NEO1: variants seen among roughly 807,000 people sequenced by gnomAD.
NEO1 encodes neogenin.
A neutral mutation model predicts 159.7 loss-of-function variants in NEO1; 63 were observed. The ratio of observed to expected loss-of-function variants is 0.39; its 90% CI spans 0.32 to 0.49. The LOEUF (loss-of-function observed/expected upper bound fraction) is 0.49, where lower values mean the gene tolerates loss of function less well. Among genes scored for constraint, NEO1 ranks in the 20% least tolerant of loss-of-function variants. The pLI is 0.85. For synonymous variants in NEO1, 633 were observed against 662.0 expected, an observed-to-expected ratio of 0.96 and a Z score of 0.67; for missense variants, 1,615 against 1,831.0, an observed-to-expected ratio of 0.88 and a Z score of 2.15.
chr15:73,176,182 T>C (rs1022096163), intron 5 of NEO1, among the ~76,000 whole-genome samples: 2 of 152,224 alleles, frequency 1.3e-5, no homozygotes, highest in Non-Finnish European at 2.9e-5. Flanking sequence ...AAATTATCTT[T>C]AAAACAGTTA....
chr15:73,213,905 T>C (rs916943454), intron 7 of NEO1, among the ~76,000 whole-genome samples: 1 of 152,212 alleles, frequency 6.6e-6, no homozygotes, highest in Non-Finnish European at 1.5e-5. Flanking sequence ...AAGTGTTCCC[T>C]GTTCACCGCA....
chr15:73,265,636 T>C (rs1286932465), intron 15 of NEO1, among the ~76,000 whole-genome samples: 1 of 152,224 alleles, frequency 6.6e-6, no homozygotes, highest in African/African-American at 2.4e-5. Flanking sequence ...AAGCACTTTT[T>C]CCTTGCCAGT....
At chr15:73,074,683 G>C (rs1049039163) in intron 1 of NEO1, among the ~76,000 whole-genome samples, 52 of 152,088 alleles carry the variant, frequency 3.4e-4, no homozygotes, top group Admixed American at 3.4e-3. Context: ...TTTATGGGAG[G>C]GGGGAAGCTC....
intron 1 of NEO1, among the ~76,000 whole-genome samples, chr15:73,067,371 A>G (rs1348362742): frequency 6.6e-6 from 1 of 151,664 alleles, no homozygotes; most frequent in East Asian, 1.9e-4. Flanking sequence ...GTCTTTTCAA[A>G]TGTCTGTTTG....
rs538953447 is a variant in NEO1, at chr15:73,301,334, C to T, written c.4179C>T (p.His1393=). The change falls in exon 28 of 29, where the codon CAC becomes CAT. Residue 1393 remains histidine, a synonymous_variant. Transcript: ENST00000261908. ...CTTTCCCCTCAGCTCTGAACCATCA[C>T]ATTCACTCAGTGAAGACAGCCTCCA... ...PLLSQQALNH[H]IHSVKTASIG... is the part of the protein sequence containing the mutation. The T allele has an allele frequency of 1.2e-6, 2 of 1,614,230 alleles. No homozygotes were observed. Among genetic ancestry groups the T allele is most frequent in the South Asian group, 2.2e-5 (2 of 91,076 alleles).
intron 7 of NEO1, among the ~76,000 whole-genome samples, chr15:73,226,563 T>A (rs1349476847): frequency 6.6e-6 from 1 of 152,186 alleles, no homozygotes; most frequent in Admixed American, 6.5e-5. Flanking sequence ...CTCCCAAATT[T>A]GATTGTTGTT....
At chr15:73,242,287 A>G (rs921306960) in intron 8 of NEO1, among the ~76,000 whole-genome samples, 8 of 152,188 alleles carry the variant, frequency 5.3e-5, no homozygotes, top group Admixed American at 1.3e-4. Flanking sequence ...AATAACATCA[A>G]CAGTCTGTTA....
intron 5 of NEO1, among the ~76,000 whole-genome samples, chr15:73,149,101 G>A (rs1182776989): frequency 2.0e-5 from 3 of 152,004 alleles, no homozygotes; most frequent in Non-Finnish European, 4.4e-5. Context: ...TGGATCACGA[G>A]GTCAAGAGAT....
intron 5 of NEO1, chr15:73,161,872 G>C (rs1479335): frequency 0.011 from 2,291 of 207,656 alleles, 21 homozygotes; most frequent in Middle Eastern, 0.038. Context: ...CTTCCACTTT[G>C]GGAAGAAAAC....
chr15:73,254,538 T>C (rs2040242813), intron 12 of NEO1, 144 bp from the exon 13 acceptor site: 1 of 751,738 alleles, frequency 1.3e-6, no homozygotes. Context: ...TTTGAGTGAT[T>C]ATTAAATAAC....
In NEO1 at chr15:73,061,304, A is replaced by G. The variant is rs953008459; in HGVS notation, c.130+8499A>G. Among the ~76,000 whole-genome samples, 46 of 152,182 alleles carry G rather than the reference A, an allele frequency of 3.0e-4. 1 individual carries two copies. Among genetic ancestry groups the G allele is most frequent in the African/African-American group, 1.0e-3 (43 of 41,448 alleles). ...TTACTGTCTCAGCCAAGTTGAGGAA[A>G]ATTTCTTTCCCTTTCCATTACTGCT... On this transcript the variant is annotated intron_variant, in intron 1 of 28. Transcript: ENST00000261908.
At chr15:73,129,401 A>G (rs182713836) in intron 4 of NEO1, among the ~76,000 whole-genome samples, 13 of 148,158 alleles carry the variant, frequency 8.8e-5, no homozygotes, top group African/African-American at 3.0e-4. Context: ...TGGATCTAGT[A>G]AAAAAAAAAG....
At position 73,136,021 on chromosome 15, in the gene NEO1, G is replaced by A. The variant is rs754616086; in HGVS notation, c.1009G>A (p.Val337Met). The change falls in exon 5 of 29, where the codon GTG becomes ATG. Residue 337 changes from valine to methionine, a missense_variant. Around this residue, in one of 3 missense-constraint regions of NEO1, gnomAD observed 1,018 missense variants for 1,115.4 expected, o/e 0.91. Coordinates refer to ENST00000261908, the MANE Select transcript of NEO1 (RefSeq NM_002499.4). ...AATTGAAGCTCAAGCAGAGCTTACA[G>A]TGCAAGGTATGTAAATATTTACTGT... ...ETIEAQAELT[V>M]QAQPEFLKQP... 6.3e-7 allele frequency: 1 copy of A among 1,599,876 alleles called. No homozygotes were observed. Among genetic ancestry groups the A allele is most frequent in the South Asian group, 1.1e-5 (1 of 87,868 alleles).
At chr15:73,296,653 C>T (rs1329879594) in intron 26 of NEO1, among the ~76,000 whole-genome samples, 1 of 152,174 alleles carries the variant, frequency 6.6e-6, no homozygotes, top group East Asian at 1.9e-4. Flanking sequence ...TGCGGGGATA[C>T]ATTCCAAGAC....
chr15:73,088,273 G>C (rs770637263), intron 1 of NEO1, among the ~76,000 whole-genome samples: 1 of 151,922 alleles, frequency 6.6e-6, no homozygotes, highest in Non-Finnish European at 1.5e-5. Context: ...CATCTTTGTA[G>C]ATCAGGGCAA....
intron 1 of NEO1, among the ~76,000 whole-genome samples, chr15:73,063,694 A>T (rs1016376221): frequency 6.6e-6 from 1 of 152,056 alleles, no homozygotes; most frequent in Non-Finnish European, 1.5e-5. Flanking sequence ...ATTATGAGGC[A>T]AAGTAAAGGC....
At chr15:73,161,889 T>C (rs2151889141) in intron 5 of NEO1, 1 of 204,540 alleles carries the variant, frequency 4.9e-6, no homozygotes. Flanking sequence ...AAACCAGCTT[T>C]TTCTGTACTT....
In NEO1 at chr15:73,303,810, C is replaced by T. The variant is rs1023919107; in HGVS notation, c.*1114C>T. The T allele has an allele frequency of 6.6e-6, 1 of 152,202 alleles. No individual in the cohort carries two copies. The highest frequency in any genetic ancestry group is 2.4e-5 in the African/African-American group (1 of 41,430). 9.4% of individuals were successfully genotyped at this position (152,202 alleles called of 1,614,324 possible). ...GAGTCACACAGAATAGGGTAAGAGC[C>T]TGACCCCATTCTGTAAATCAGAAAG... On this transcript the variant is annotated 3_prime_UTR_variant, in exon 29 of 29. Transcript: ENST00000261908.
intron 7 of NEO1, among the ~76,000 whole-genome samples, chr15:73,192,205 G>C (rs1437093024): frequency 6.6e-6 from 1 of 152,022 alleles, no homozygotes; most frequent in Non-Finnish European, 1.5e-5. Context: ...TTTAAGTTGA[G>C]ACCTGAGGGT....
Sources: allele counts gnomAD v4.1 joint callset (sites outside exome capture counted in the v4.1 genomes callset), GRCh38; gene constraint gnomAD v4.1.1; regional missense constraint gnomAD v4.1.1; transcripts MANE v1.5; gene names NCBI Gene and HGNC (gene_info 2026-07-23, HGNC 2026-07-21).